The following PMFBP1 variants were observed in gnomAD, a reference collection of about 807,000 sequenced individuals.
PMFBP1 encodes polyamine modulated factor 1 binding protein 1.
A neutral mutation model predicts 137.8 loss-of-function variants in PMFBP1; 131 were observed. The observed-to-expected ratio is 0.95, with a 90% CI of 0.82 to 1.10. The LOEUF (loss-of-function observed/expected upper bound fraction) is 1.10, where lower values mean the gene tolerates loss of function less well. PMFBP1 is among the 50% of genes least tolerant of loss of function. The probability of loss-of-function intolerance (pLI) is 0.00; values close to 1 mark genes in which losing one functional copy is unlikely to be tolerated. For missense variants in PMFBP1, 1,199 were observed against 1,175.4 expected, an observed-to-expected ratio of 1.02 and a Z score of -0.29; for synonymous variants, 490 against 450.4, an observed-to-expected ratio of 1.09 and a Z score of -1.11.
At chr16:72,185,778 G>A in the PMFBP1 span, among the ~76,000 whole-genome samples, 1 of 152,192 alleles carries the variant, frequency 6.6e-6, no homozygotes, top group African/African-American at 2.4e-5. Context: ...AGAATGAAGA[G>A]TCAAATTAAC....
At chr16:72,186,499 C>T in the PMFBP1 span, among the ~76,000 whole-genome samples, 64 of 152,132 alleles carry the variant, frequency 4.2e-4, no homozygotes, top group South Asian at 1.0e-3. Flanking sequence ...GCTGTAGATG[C>T]GAGAATTCAG....
chr16:72,164,442 T>C (rs779482665), intron 3 of PMFBP1: 1 of 1,352,584 alleles, frequency 7.4e-7, no homozygotes, highest in South Asian at 1.2e-5. Context: ...TAGCAGACGC[T>C]GCTCCCCTTG....
At chr16:72,117,810 TTATAGGCAGGC>T (rs1238928674), downstream of PMFBP1, among the ~76,000 whole-genome samples, 1 of 152,226 alleles carries the variant, frequency 6.6e-6, no homozygotes, top group Non-Finnish European at 1.5e-5. Context: ...TCTTAACAAA[TTATAGGCAGGC>T]AACACTCAGT....
chr16:72,133,451 T>C (rs576183973), intron 9 of PMFBP1, among the ~76,000 whole-genome samples: 25 of 152,216 alleles, frequency 1.6e-4, no homozygotes, highest in African/African-American at 5.8e-4. Context: ...AGTGTTGGGA[T>C]TACAGGTCTG....
the PMFBP1 span, among the ~76,000 whole-genome samples, chr16:72,236,909 T>C: frequency 6.6e-6 from 1 of 152,188 alleles, no homozygotes; most frequent in Non-Finnish European, 1.5e-5. Context: ...CACTTGGCTC[T>C]TTTAGTAATA....
At chr16:72,211,869 C>CACCT in the PMFBP1 span, among the ~76,000 whole-genome samples, 3 of 151,968 alleles carry the variant, frequency 2.0e-5, no homozygotes, top group Non-Finnish European at 4.4e-5. Context: ...TGGTGGTGTG[C>CACCT]ACCTGTAGTC....
At chr16:72,209,342 T>C in the PMFBP1 span, among the ~76,000 whole-genome samples, 1 of 152,196 alleles carries the variant, frequency 6.6e-6, no homozygotes, top group Non-Finnish European at 1.5e-5. Context: ...ATTTTAAAGG[T>C]CATCTCTGTA....
At chr16:72,232,143 TG>T in the PMFBP1 span, among the ~76,000 whole-genome samples, 3 of 152,176 alleles carry the variant, frequency 2.0e-5, no homozygotes, top group Non-Finnish European at 2.9e-5. Flanking sequence ...TTCACTGTAT[TG>T]TTTAGTGATG....
At chr16:72,148,590 T>C (rs2042851132) in intron 5 of PMFBP1, among the ~76,000 whole-genome samples, 1 of 152,262 alleles carries the variant, frequency 6.6e-6, no homozygotes, top group Admixed American at 6.5e-5. Flanking sequence ...AATGAAAAGT[T>C]ACAGACTGGG....
chr16:72,120,056 C>T lies in PMFBP1; in HGVS notation c.2802G>A (p.Gln934=). The change falls in exon 20 of 21, where the codon CAG becomes CAA. Residue 934 remains glutamine, a synonymous_variant. Coordinates refer to ENST00000237353, the MANE Select transcript of PMFBP1 (RefSeq NM_031293.3). ...TCTCCTTCTTCAGCTTCTTGTTTTC[C>T]TGCTGCAAGTGGACCATTACACTGT... The part of the protein sequence containing the change: ...HLHSVMVHLQ[Q]ENKKLKKEIE... 1 of 1,614,150 alleles carries T rather than the reference C, an allele frequency of 6.2e-7. No homozygotes were observed. Among genetic ancestry groups the T allele is most frequent in the Non-Finnish European group, 8.5e-7 (1 of 1,180,040 alleles).
the PMFBP1 span, among the ~76,000 whole-genome samples, chr16:72,212,936 G>A: frequency 1.2e-4 from 19 of 152,334 alleles, no homozygotes; most frequent in African/African-American, 4.3e-4. Context: ...CTGATGGAAA[G>A]TAATTTTTAG....
chr16:72,188,049 T>TA, the PMFBP1 span, among the ~76,000 whole-genome samples: 2 of 152,226 alleles, frequency 1.3e-5, no homozygotes, highest in African/African-American at 4.8e-5. Flanking sequence ...CATCATAGGA[T>TA]AGAACCCATT....
intron 2 of PMFBP1, among the ~76,000 whole-genome samples, chr16:72,170,686 C>A (rs948190046): frequency 6.6e-6 from 1 of 152,178 alleles, no homozygotes; most frequent in African/African-American, 2.4e-5. Flanking sequence ...CCTGCCTCGG[C>A]CTCCCAAAGT....
At chr16:72,119,459 T>A in intron 20 of PMFBP1, 105 bp from the exon 21 acceptor site, 1 of 1,601,612 alleles carries the variant, frequency 6.2e-7, no homozygotes, top group South Asian at 1.1e-5. Flanking sequence ...GCAGGGTGAC[T>A]TCTTGCCTCT....
upstream of PMFBP1, among the ~76,000 whole-genome samples, chr16:72,177,165 C>T (rs2043262042): frequency 6.6e-6 from 1 of 152,198 alleles, no homozygotes; most frequent in African/African-American, 2.4e-5. Context: ...GGAGAAAATT[C>T]TCCCAATTGG....
At chr16:72,214,671 A>T in the PMFBP1 span, among the ~76,000 whole-genome samples, 1 of 152,246 alleles carries the variant, frequency 6.6e-6, no homozygotes, top group Non-Finnish European at 1.5e-5. Context: ...CATTCACAAT[A>T]CAGAGCATGT....
the PMFBP1 span, among the ~76,000 whole-genome samples, chr16:72,216,542 T>C: frequency 7.2e-5 from 11 of 152,296 alleles, no homozygotes; most frequent in Non-Finnish European, 1.6e-4. Flanking sequence ...TTGGCGGCTC[T>C]AGAGGAGTCT....
the PMFBP1 span, among the ~76,000 whole-genome samples, chr16:72,187,127 T>A: frequency 9.7e-3 from 1,397 of 144,600 alleles, 20 homozygotes; most frequent in African/African-American, 0.031. Flanking sequence ...AAAAAAAAAA[T>A]AAATAAAAAA....
chr16:72,206,748 G>C, the PMFBP1 span, among the ~76,000 whole-genome samples: 20 of 152,264 alleles, frequency 1.3e-4, no homozygotes, highest in African/African-American at 4.3e-4. Flanking sequence ...TGAACTCAAC[G>C]TGCCAACGAT....
Sources: gnomAD v4.1 joint callset for allele counts (sites outside exome capture counted in the v4.1 genomes callset) on GRCh38, gnomAD v4.1.1 for gene constraint, MANE v1.5 for transcripts, NCBI Gene and HGNC (gene_info 2026-07-23, HGNC 2026-07-21) for gene names.